Variants in RHCE observed in about 807,000 individuals in gnomAD.
RHCE encodes Rh blood group CcEe antigens.
RHCE carries 22 observed loss-of-function variants against 43.8 expected under a neutral mutation model. The observed-to-expected ratio is 0.50, with a 90% CI of 0.36 to 0.72. RHCE has a LOEUF of 0.72. RHCE is among the 30% of genes least tolerant of loss of function. The pLI is 0.00. For synonymous variants in RHCE, 156 were observed against 210.7 expected (o/e 0.74, Z 2.25); for missense variants, 385 against 525.4 (o/e 0.73, Z 2.61).
intron 1 of RHCE, among the ~76,000 whole-genome samples, chr1:25,409,536 TGAGGGCAGG>T (rs1450011921): frequency 1.6e-5 from 2 of 124,390 alleles, no homozygotes; most frequent in Admixed American, 8.6e-5. Flanking sequence ...GAGATGCACC[TGAGGGCAGG>T]GAGGGGCCCA....
upstream of RHCE, among the ~76,000 whole-genome samples, chr1:25,422,747 G>A (rs941928626): frequency 1.3e-5 from 2 of 152,176 alleles, no homozygotes; most frequent in African/African-American, 4.8e-5. Context: ...ACCAGGGACG[G>A]GTTTTGTAGA....
At chr1:25,372,495 G>C (rs887718494) in intron 8 of RHCE, among the ~76,000 whole-genome samples, 2 of 151,146 alleles carry the variant, frequency 1.3e-5, no homozygotes, top group African/African-American at 4.9e-5. Context: ...CTCCAGCCTG[G>C]GCAACAAGAG....
rs997634870 is a variant in RHCE, at chr1:25,391,001, G to A, written c.635-86C>T. On this transcript the variant is annotated intron_variant, in intron 4 of 9. Transcript: ENST00000294413. Reference sequence around the variant, plus strand: ...GAGGGGTTTTGGATGAGAATCCTAGGGCTGGAGAGTCTCAGCCTTGTCACT... The same window carrying A: ...GAGGGGTTTTGGATGAGAATCCTAGAGCTGGAGAGTCTCAGCCTTGTCACT... 9.5e-6 allele frequency: 15 copies of A among 1,581,468 alleles called. No individual in the cohort carries two copies. In the African/African-American group the frequency reaches 2.0e-4, roughly 21 times the overall value.
chr1:25,372,459 C>T (rs1194632205), intron 8 of RHCE, among the ~76,000 whole-genome samples: 9 of 151,030 alleles, frequency 6.0e-5, no homozygotes, highest in Non-Finnish European at 1.3e-4. Context: ...GCGGAGGTTG[C>T]GTTGAGCCGA....
chr1:25,386,046 G>A (rs1192571123), intron 6 of RHCE, among the ~76,000 whole-genome samples: 2 of 152,134 alleles, frequency 1.3e-5, no homozygotes, highest in African/African-American at 4.8e-5. Flanking sequence ...TAGTGGATGT[G>A]GGGTGGGGTC....
Position 25,392,204 on chromosome 1 carries a change from T to C in RHCE, c.487-63A>G, listed in dbSNP as rs1202377791. The C allele has an allele frequency of 1.7e-5, 28 of 1,612,918 alleles. No individual in the cohort carries two copies. In the Middle Eastern group the frequency reaches 4.9e-4, roughly 28 times the overall value. On this transcript the variant is annotated intron_variant, in intron 3 of 9. Transcript: ENST00000294413. ...TCCTCTGCCCAGGGGAAAGCCCTGA[T>C]GGTCCTTGGAGAAAGTTCAGAGCTT...
chr1:25,372,800 C>T (rs1241525779), intron 8 of RHCE, among the ~76,000 whole-genome samples: 5 of 151,786 alleles, frequency 3.3e-5, no homozygotes, highest in South Asian at 2.1e-4. Context: ...TTCCATTGTC[C>T]AAGTTGTTTT....
upstream of RHCE, among the ~76,000 whole-genome samples, chr1:25,425,745 T>G (rs1347011530): frequency 2.0e-5 from 3 of 152,192 alleles, no homozygotes; most frequent in Admixed American, 6.5e-5. Flanking sequence ...ATGACTTTTC[T>G]GTAAACACCA....
At chr1:25,397,115 A>G (rs1297009417) in intron 3 of RHCE, among the ~76,000 whole-genome samples, 6 of 141,930 alleles carry the variant, frequency 4.2e-5, no homozygotes, top group Non-Finnish European at 8.9e-5. Context: ...CTGTCTCAAA[A>G]AAAAAAAAAA....
Position 25,410,924 on chromosome 1 carries a change from T to C in RHCE, c.149-2055A>G, listed in dbSNP as rs1165492112. Among the ~76,000 whole-genome samples, 6 of 152,060 alleles carry C rather than the reference T, an allele frequency of 3.9e-5. No individual in the cohort carries two copies. In the East Asian group the frequency reaches 9.7e-4, roughly 25 times the overall value. ...GGCCAACATGGTGAAACCCCGTCTC[T>C]ACTAAAATTACAAAAAAATTAGCTG... On this transcript the variant is annotated intron_variant, in intron 1 of 9. Coordinates refer to ENST00000294413, the MANE Select transcript of RHCE (RefSeq NM_020485.8).
chr1:25,402,195 T>C (rs1646771362), intron 3 of RHCE, among the ~76,000 whole-genome samples: 1 of 137,694 alleles, frequency 7.3e-6, no homozygotes, highest in African/African-American at 2.7e-5. Context: ...TGTCTGTCTG[T>C]CTGTCTGTCT....
chr1:25,420,738 C>G lies in RHCE; in HGVS notation c.49G>C (p.Ala17Pro). The G allele has an allele frequency of 1.2e-6, 2 of 1,609,358 alleles. No individual in the cohort carries two copies. The highest frequency in any genetic ancestry group is 3.4e-5 in the Admixed American group (2 of 59,650). The change falls in exon 1 of 10, where the codon GCC becomes CCC. Residue 17 changes from alanine to proline, a missense_variant. By Grantham distance (27) the Ala-to-Pro change is conservative. Transcript: ENST00000294413. The part of the protein sequence containing the change: ...RSVRRCLPLC[A>P]LTLEAALILL... Reference sequence around the variant, plus strand: ...ATGAGAGCTGCTTCCAGTGTTAGGGCGCAGAGGGGCAGGCAGCGCCGGACA... The same window carrying G: ...ATGAGAGCTGCTTCCAGTGTTAGGGGGCAGAGGGGCAGGCAGCGCCGGACA...
chr1:25,424,003 A>G (rs2042786970), upstream of RHCE, among the ~76,000 whole-genome samples: 1 of 152,238 alleles, frequency 6.6e-6, no homozygotes, highest in Admixed American at 6.5e-5. Flanking sequence ...GCGCGAAAGC[A>G]ACACACATGC....
intron 2 of RHCE, among the ~76,000 whole-genome samples, chr1:25,404,025 G>A (rs932601196): frequency 5.3e-5 from 8 of 150,168 alleles, no homozygotes; most frequent in Non-Finnish European, 1.0e-4. Context: ...AAAATTACCC[G>A]GGCATGGTGG....
At chr1:25,399,032 C>T (rs868410754) in intron 3 of RHCE, 32 of 1,577,380 alleles carry the variant, frequency 2.0e-5, no homozygotes, top group Middle Eastern at 2.2e-4. Flanking sequence ...TTCATGGTCA[C>T]TGGGGCCTTG....
intron 4 of RHCE, 134 bp from the exon 5 acceptor site, chr1:25,391,049 G>A (rs1299243042): frequency 1.7e-5 from 20 of 1,210,432 alleles, no homozygotes; most frequent in African/African-American, 3.0e-5. Context: ...GGGAAGTCAC[G>A]TCTCCCCTCC....
intron 7 of RHCE, among the ~76,000 whole-genome samples, chr1:25,376,726 AAC>A (rs1645799340): frequency 6.6e-6 from 1 of 152,134 alleles, no homozygotes; most frequent in Non-Finnish European, 1.5e-5. Context: ...CATCCTGGCT[AAC>A]ACAGTGAAAC....
At chr1:25,410,620 G>C (rs1005998322) in intron 1 of RHCE, among the ~76,000 whole-genome samples, 2 of 151,368 alleles carry the variant, frequency 1.3e-5, no homozygotes, top group African/African-American at 4.9e-5. Context: ...AGCTGGTCTC[G>C]AACTCCTGAC....
chr1:25,371,069 A>AT (rs111897985), intron 8 of RHCE, among the ~76,000 whole-genome samples: 10,813 of 142,368 alleles, frequency 0.076, 1,242 homozygotes, highest in African/African-American at 0.24. Context: ...TCTGTAAACA[A>AT]TTTTTTTTTT....
Sources: allele counts gnomAD v4.1 joint callset (sites outside exome capture counted in the v4.1 genomes callset), GRCh38; gene constraint gnomAD v4.1.1; transcripts MANE v1.5; gene names NCBI Gene and HGNC (gene_info 2026-07-23, HGNC 2026-07-21).